Variants in TMTC2 observed in about 807,000 individuals in gnomAD.
The protein encoded by TMTC2 is protein O-mannosyl-transferase TMTC2.
In TMTC2, 43 loss-of-function variants were observed where a neutral mutation model predicts 82.4. The observed-to-expected ratio is 0.52, with a 90% CI of 0.41 to 0.67. TMTC2 has a LOEUF of 0.67. Ranked by LOEUF, TMTC2 falls within the 30% of genes least tolerant of loss-of-function variation. The probability of loss-of-function intolerance (pLI) is 0.00; values close to 1 mark genes in which losing one functional copy is unlikely to be tolerated. For synonymous variants in TMTC2, 408 were observed against 381.9 expected, an observed-to-expected ratio of 1.07 and a Z score of -0.80; for missense variants, 919 against 1,012.4, an observed-to-expected ratio of 0.91 and a Z score of 1.25.
In TMTC2 at chr12:82,701,774, GAAAA is replaced by G. The variant is rs1457977862; in HGVS notation, c.83+14109_83+14112del. The stretch of plus-strand genomic sequence containing the variant: ...AACTCCGTCTCAAAAAAAAAAAAAA[GAAAA>G]AAAGAATATTAATCTCTCTCCTAAT... On this transcript the variant is annotated intron_variant, in intron 1 of 11. Coordinates refer to ENST00000321196, the MANE Select transcript of TMTC2 (RefSeq NM_152588.3). Among the ~76,000 whole-genome samples, 11 of 147,840 alleles carry G rather than the reference GAAAA, an allele frequency of 7.4e-5. No individual in the cohort carries two copies. The South Asian group carries it at 2.1e-3, about 29-fold the overall frequency.
At chr12:82,696,964 G>GTATATATATATATA (rs3993380) in intron 1 of TMTC2, among the ~76,000 whole-genome samples, 32 of 141,548 alleles carry the variant, frequency 2.3e-4, no homozygotes, top group African/African-American at 8.1e-4. Flanking sequence ...ACATACATAC[G>GTATATATATATATA]TATATATATA....
intron 2 of TMTC2, among the ~76,000 whole-genome samples, chr12:82,890,564 A>T (rs948386030): frequency 6.6e-5 from 10 of 152,216 alleles, no homozygotes; most frequent in African/African-American, 2.4e-4. Flanking sequence ...ACTAAGAATT[A>T]GAGTTGTACA....
rs145670953 is a variant in TMTC2, at chr12:82,936,629, G to A, written c.1598+6084G>A. Among the ~76,000 whole-genome samples, 714 of 152,066 alleles carry A rather than the reference G, an allele frequency of 4.7e-3. 3 individuals are homozygous for A. The highest frequency in any genetic ancestry group is 9.4e-3 in the Admixed American group (143 of 15,268). ...ACTCTTTCAATTTAAGAAGTCAGAG[G>A]ATGAAAAAAATATCATCTCTAGAAA... On this transcript the variant is annotated intron_variant, in intron 4 of 11. Transcript: ENST00000321196.
intron 1 of TMTC2, among the ~76,000 whole-genome samples, chr12:82,736,759 G>T (rs753670329): frequency 2.6e-5 from 4 of 152,130 alleles, no homozygotes; most frequent in African/African-American, 9.7e-5. Context: ...TATTTTGAAT[G>T]TATTTCAAAT....
At chr12:83,012,015 G>C (rs150014741) in intron 8 of TMTC2, among the ~76,000 whole-genome samples, 1 of 152,140 alleles carries the variant, frequency 6.6e-6, no homozygotes, top group African/African-American at 2.4e-5. Flanking sequence ...CAGTCAGGCC[G>C]TAACACTCAC....
At position 82,949,023 on chromosome 12, in the gene TMTC2, C is replaced by T. The variant is rs145369242; in HGVS notation, c.1599-16001C>T. ...TTATCTTTTCTAATCATTAAACCTCCATAATGGTACTTTCAAAATATGTTT... is the reference window on the plus strand; with the variant it reads ...TTATCTTTTCTAATCATTAAACCTCTATAATGGTACTTTCAAAATATGTTT... On this transcript the variant is annotated intron_variant, in intron 4 of 11. Transcript: ENST00000321196. 8.3e-3 allele frequency among the ~76,000 whole-genome samples: 1,263 copies of T among 152,280 alleles called. 21 individuals are homozygous for T. Among genetic ancestry groups the T allele is most frequent in the African/African-American group, 0.029 (1,203 of 41,546 alleles).
At chr12:83,060,133 T>C (rs539794029) in intron 10 of TMTC2, among the ~76,000 whole-genome samples, 1 of 151,858 alleles carries the variant, frequency 6.6e-6, no homozygotes, top group African/African-American at 2.4e-5. Context: ...GCTTTAACAT[T>C]TATGAGAATA....
intron 3 of TMTC2, among the ~76,000 whole-genome samples, chr12:82,903,627 A>C (rs1874145412): frequency 6.6e-6 from 1 of 151,874 alleles, no homozygotes; most frequent in South Asian, 2.1e-4. Flanking sequence ...GTTGGACAGG[A>C]TGGTCTCGAT....
chr12:82,957,097 T>C (rs1373735353), intron 4 of TMTC2, among the ~76,000 whole-genome samples: 1 of 152,128 alleles, frequency 6.6e-6, no homozygotes, highest in Non-Finnish European at 1.5e-5. Context: ...CATCTGTACA[T>C]GGAACATCAC....
chr12:82,708,108 C>T (rs146305636), intron 1 of TMTC2, among the ~76,000 whole-genome samples: 84 of 152,324 alleles, frequency 5.5e-4, no homozygotes, highest in Non-Finnish European at 4.3e-4. Context: ...TGCTTTCTCT[C>T]TACAATGTCA....
chr12:82,863,782 G>A (rs536166733), intron 2 of TMTC2, among the ~76,000 whole-genome samples: 2 of 152,246 alleles, frequency 1.3e-5, no homozygotes, highest in East Asian at 1.9e-4. Context: ...TATAGTAGGC[G>A]ATGTGGGGAT....
intron 1 of TMTC2, among the ~76,000 whole-genome samples, chr12:82,839,604 G>A (rs914107433): frequency 1.3e-5 from 2 of 152,146 alleles, no homozygotes; most frequent in African/African-American, 2.4e-5. Flanking sequence ...AATAAAGTGT[G>A]TAATTGGAAA....
intron 11 of TMTC2, among the ~76,000 whole-genome samples, chr12:83,097,365 A>G (rs2137528405): frequency 6.6e-6 from 1 of 152,346 alleles, no homozygotes; most frequent in African/African-American, 2.4e-5. Flanking sequence ...ATAAGTCACA[A>G]ATCAGTCATA....
intron 2 of TMTC2, among the ~76,000 whole-genome samples, chr12:82,864,105 A>G (rs1442359873): frequency 6.6e-6 from 1 of 152,166 alleles, no homozygotes; most frequent in Non-Finnish European, 1.5e-5. Context: ...GAAAACTCAC[A>G]GAAAATTACT....
intron 11 of TMTC2, among the ~76,000 whole-genome samples, chr12:83,116,356 G>A (rs996571279): frequency 4.6e-5 from 7 of 152,120 alleles, no homozygotes; most frequent in African/African-American, 1.7e-4. Context: ...ATTTGGGTTG[G>A]TTCCATGTTT....
intron 2 of TMTC2, among the ~76,000 whole-genome samples, chr12:82,895,541 A>G (rs74106175): frequency 0.016 from 2,474 of 152,306 alleles, 64 homozygotes; most frequent in African/African-American, 0.057. Context: ...TAGAGGTCAC[A>G]AAATTGAAGC....
chr12:83,123,446 G>T (rs1369408772), intron 11 of TMTC2, among the ~76,000 whole-genome samples: 1 of 152,038 alleles, frequency 6.6e-6, no homozygotes, highest in East Asian at 1.9e-4. Flanking sequence ...AATCTTTTTT[G>T]ATTTATTCAA....
intron 11 of TMTC2, among the ~76,000 whole-genome samples, chr12:83,106,478 A>G (rs1305392617): frequency 1.3e-5 from 2 of 150,770 alleles, no homozygotes; most frequent in Non-Finnish European, 3.0e-5. Context: ...CAGCCTGGAC[A>G]ACAAGAGCAA....
Position 83,094,820 on chromosome 12 carries a change from C to G in TMTC2, c.2331+32989C>G, listed in dbSNP as rs5001131. 3.6e-3 allele frequency among the ~76,000 whole-genome samples: 545 copies of G among 152,218 alleles called. 6 individuals carry two copies. Among genetic ancestry groups the G allele is most frequent in the African/African-American group, 0.012 (483 of 41,538 alleles). ...GGTACTAGTTATTTAGATTAGGAAT[C>G]TTGGAGGTCAAACATATCTGATGGG... is the stretch of plus-strand genomic sequence containing the variant. On this transcript the variant is annotated intron_variant, in intron 11 of 11. Transcript: ENST00000321196.
Sources: allele counts gnomAD v4.1 joint callset (sites outside exome capture counted in the v4.1 genomes callset), GRCh38; gene constraint gnomAD v4.1.1; transcripts MANE v1.5; gene names NCBI Gene and HGNC (gene_info 2026-07-23, HGNC 2026-07-21).